AGBL1: variants seen among roughly 807,000 people sequenced by gnomAD.
AGBL1 encodes AGBL carboxypeptidase 1.
AGBL1 carries 130 observed loss-of-function variants against 118.9 expected under a neutral mutation model. That is an observed-to-expected ratio of 1.09 (90% confidence interval 0.95 to 1.26). AGBL1 has a LOEUF of 1.26. Ranked by LOEUF, AGBL1 falls within the 50% of genes most tolerant of loss-of-function variation. AGBL1 has a pLI of 0.00. For missense variants in AGBL1, 1,584 were observed against 1,298.1 expected (o/e 1.22, Z -3.38); for synonymous variants, 555 against 478.9 (o/e 1.16, Z -2.08).
chr15:86,398,975 G>A (rs1244941932), intron 18 of AGBL1, among the ~76,000 whole-genome samples: 1 of 152,056 alleles, frequency 6.6e-6, no homozygotes, highest in Non-Finnish European at 1.5e-5. Flanking sequence ...TCCCAGCTTA[G>A]CTGTTGCCAG....
chr15:86,653,418 G>A (rs541980425), intron 21 of AGBL1, among the ~76,000 whole-genome samples: 2 of 152,216 alleles, frequency 1.3e-5, no homozygotes, highest in African/African-American at 4.8e-5. Context: ...TCAAGCCCTA[G>A]CAGGACTTTT....
At chr15:86,303,427 G>A (rs1054658671) in intron 17 of AGBL1, among the ~76,000 whole-genome samples, 1 of 152,100 alleles carries the variant, frequency 6.6e-6, no homozygotes. Context: ...GGTATGAAGG[G>A]TAGGGAGTTG....
intron 22 of AGBL1, among the ~76,000 whole-genome samples, chr15:86,796,644 C>A (rs986895798): frequency 1.3e-5 from 2 of 152,202 alleles, no homozygotes; most frequent in South Asian, 4.1e-4. Flanking sequence ...CAATAGTCAG[C>A]AAACTATGGC....
chr15:86,621,744 T>C (rs1312654860), intron 21 of AGBL1, among the ~76,000 whole-genome samples: 1 of 152,250 alleles, frequency 6.6e-6, no homozygotes, highest in East Asian at 1.9e-4. Context: ...AGTCAAGTTA[T>C]TTATTCTCTC....
intron 18 of AGBL1, among the ~76,000 whole-genome samples, chr15:86,426,699 CA>C: frequency 6.6e-6 from 1 of 152,202 alleles, no homozygotes; most frequent in Non-Finnish European, 1.5e-5. Flanking sequence ...CTTTGTGGAT[CA>C]TATCCTAAAG....
intron 5 of AGBL1, among the ~76,000 whole-genome samples, chr15:86,181,876 T>G (rs557428492): frequency 3.3e-5 from 5 of 152,036 alleles, no homozygotes; most frequent in African/African-American, 9.7e-5. Flanking sequence ...TACTATCTAG[T>G]CGAAAATATA....
intron 23 of AGBL1, among the ~76,000 whole-genome samples, chr15:86,944,900 ATACT>A (rs1446474566): frequency 2.0e-5 from 3 of 152,294 alleles, no homozygotes; most frequent in Middle Eastern, 3.4e-3. Flanking sequence ...TTTTCTCTAA[ATACT>A]TACAGTAGGA....
At chr15:86,305,986 T>A (rs181060022) in intron 17 of AGBL1, among the ~76,000 whole-genome samples, 2 of 151,810 alleles carry the variant, frequency 1.3e-5, no homozygotes, top group Non-Finnish European at 2.9e-5. Context: ...TACTTAATAG[T>A]TTTTAAAATT....
At chr15:86,932,536 G>T (rs2080618157) in intron 23 of AGBL1, among the ~76,000 whole-genome samples, 1 of 152,212 alleles carries the variant, frequency 6.6e-6, no homozygotes, top group Non-Finnish European at 1.5e-5. Flanking sequence ...TGAAGCCAGA[G>T]AATTGTTTGA....
intron 22 of AGBL1, among the ~76,000 whole-genome samples, chr15:86,675,638 A>G (rs2142553602): frequency 6.6e-6 from 1 of 152,188 alleles, no homozygotes; most frequent in East Asian, 1.9e-4. Flanking sequence ...TGTGTTTGGT[A>G]TCTTTGTGGT....
intron 6 of AGBL1, among the ~76,000 whole-genome samples, chr15:86,239,985 A>C (rs2141973415): frequency 6.6e-6 from 1 of 152,324 alleles, no homozygotes; most frequent in South Asian, 2.1e-4. Flanking sequence ...TCATTGCTTT[A>C]TCAATTAAAA....
intron 22 of AGBL1, among the ~76,000 whole-genome samples, chr15:86,696,806 C>G (rs1257964046): frequency 6.6e-6 from 1 of 151,850 alleles, no homozygotes; most frequent in Non-Finnish European, 1.5e-5. Flanking sequence ...CAGCAAATTT[C>G]TCTCAGCATT....
At chr15:86,245,325 C>A (rs2078702813) in intron 6 of AGBL1, among the ~76,000 whole-genome samples, 1 of 152,214 alleles carries the variant, frequency 6.6e-6, no homozygotes, top group African/African-American at 2.4e-5. Flanking sequence ...ACCTCATGGG[C>A]TCTCCCTCAC....
intron 17 of AGBL1, among the ~76,000 whole-genome samples, chr15:86,371,855 T>C (rs972856772): frequency 3.3e-5 from 5 of 152,150 alleles, no homozygotes; most frequent in Admixed American, 1.3e-4. Context: ...TTGGCTGTGG[T>C]AACGTAGTAG....
At chr15:86,107,566 G>A (rs1210804305) in intron 1 of AGBL1, 1 of 152,200 alleles carries the variant, frequency 6.6e-6, no homozygotes, top group East Asian at 1.9e-4. Context: ...CAGAAGCAAT[G>A]TCAAATCTCT....
chr15:86,080,467 C>T (rs1353272362), intron 1 of AGBL1, among the ~76,000 whole-genome samples: 3 of 152,116 alleles, frequency 2.0e-5, no homozygotes, highest in African/African-American at 4.8e-5. Flanking sequence ...TACTGGGCTC[C>T]CACATTGTAG....
intron 21 of AGBL1, among the ~76,000 whole-genome samples, chr15:86,555,994 G>C (rs1358361289): frequency 6.6e-6 from 1 of 152,060 alleles, no homozygotes; most frequent in African/African-American, 2.4e-5. Flanking sequence ...GATGGGAAGG[G>C]GCTTGTCATT....
At chr15:86,495,880 G>A (rs1411244191) in intron 18 of AGBL1, among the ~76,000 whole-genome samples, 1 of 151,168 alleles carries the variant, frequency 6.6e-6, no homozygotes, top group African/African-American at 2.4e-5. Flanking sequence ...TCTGAAGGAT[G>A]TTTATAAAAA....
rs183456981 is a variant in AGBL1, at chr15:86,256,885, C to G, written c.768C>G (p.Val256=). The G allele has an allele frequency of 7.0e-4, 1,135 of 1,613,930 alleles. 3 individuals are homozygous for G. Among genetic ancestry groups the G allele is most frequent in the Middle Eastern group, 2.0e-3 (12 of 6,058 alleles). ...NCLDDKSMEP[V]ISVVLQILRQ... The stretch of plus-strand genomic sequence containing the variant: ...TGGATGACAAGAGCATGGAGCCCGT[C>G]ATCTCTGTGGTGCTTCAGATCCTGA... The change falls in exon 8 of 23, where the codon GTC becomes GTG. Residue 256 remains valine (V), a synonymous_variant. Coordinates refer to ENST00000614907, the MANE Select transcript of AGBL1 (RefSeq NM_001386094.1).
Sources: gnomAD v4.1 joint callset for allele counts (sites outside exome capture counted in the v4.1 genomes callset) on GRCh38, gnomAD v4.1.1 for gene constraint, MANE v1.5 for transcripts, NCBI Gene and HGNC (gene_info 2026-07-23, HGNC 2026-07-21) for gene names.